Variants in EXOC4 observed in about 807,000 individuals in gnomAD.
The protein encoded by EXOC4 is SEC8-like 1.
In EXOC4, 71 loss-of-function variants were observed where a neutral mutation model predicts 107.2. The ratio of observed to expected loss-of-function variants is 0.66; its 90% CI spans 0.55 to 0.81. EXOC4 has a LOEUF of 0.81. Among genes scored for constraint, EXOC4 ranks in the 30% least tolerant of loss-of-function variants. The pLI is 0.00. For missense variants in EXOC4, 1,108 were observed against 1,189.6 expected, an observed-to-expected ratio of 0.93 and a Z score of 1.01; for synonymous variants, 456 against 441.2, an observed-to-expected ratio of 1.03 and a Z score of -0.42.
intron 12 of EXOC4, among the ~76,000 whole-genome samples, chr7:133,917,062 G>A (rs1204756841): frequency 6.6e-6 from 1 of 152,126 alleles, no homozygotes; most frequent in Non-Finnish European, 1.5e-5. Context: ...CTGGGGCTGA[G>A]GGTTTCTTAA....
At chr7:133,407,253 T>A (rs1318569518) in intron 7 of EXOC4, among the ~76,000 whole-genome samples, 1 of 152,162 alleles carries the variant, frequency 6.6e-6, no homozygotes, top group African/African-American at 2.4e-5. Flanking sequence ...AGAATCCCCC[T>A]ACTCTTAATG....
chr7:133,600,334 T>C (rs1801777783), intron 9 of EXOC4, among the ~76,000 whole-genome samples: 1 of 152,218 alleles, frequency 6.6e-6, no homozygotes, highest in South Asian at 2.1e-4. Context: ...GTTGCTTCAG[T>C]AATATTTGCT....
intron 10 of EXOC4, among the ~76,000 whole-genome samples, chr7:133,637,420 T>C (rs1802739118): frequency 6.6e-6 from 1 of 152,210 alleles, no homozygotes; most frequent in Non-Finnish European, 1.5e-5. Context: ...AGCAGAATAT[T>C]ATTCTCAGTG....
intron 9 of EXOC4, among the ~76,000 whole-genome samples, chr7:133,554,330 C>G (rs1800652268): frequency 6.6e-6 from 1 of 152,048 alleles, no homozygotes; most frequent in Non-Finnish European, 1.5e-5. Flanking sequence ...AACAGAACAG[C>G]CATCTATGTT....
intron 9 of EXOC4, among the ~76,000 whole-genome samples, chr7:133,553,161 C>A (rs2150943530): frequency 6.6e-6 from 1 of 152,154 alleles, no homozygotes; most frequent in South Asian, 2.1e-4. Flanking sequence ...TTATGAGAAT[C>A]AAATAAGATA....
chr7:133,528,465 C>G (rs1210561273), intron 9 of EXOC4, among the ~76,000 whole-genome samples: 1 of 152,082 alleles, frequency 6.6e-6, no homozygotes, highest in Non-Finnish European at 1.5e-5. Flanking sequence ...AGATCTACAG[C>G]TATATATATT....
intron 11 of EXOC4, among the ~76,000 whole-genome samples, chr7:133,877,582 AC>A (rs1401469048): frequency 1.3e-5 from 2 of 152,124 alleles, no homozygotes; most frequent in Non-Finnish European, 2.9e-5. Flanking sequence ...AGGTTCTTCC[AC>A]TGTAGCTAGT....
intron 10 of EXOC4, among the ~76,000 whole-genome samples, chr7:133,647,668 A>G (rs1269321350): frequency 3.3e-5 from 5 of 152,130 alleles, no homozygotes; most frequent in African/African-American, 9.7e-5. Context: ...GGACTCTTCC[A>G]TAGTGGCTCT....
chr7:133,375,126 A>T, intron 7 of EXOC4, 124 bp downstream of exon 7: 1 of 761,422 alleles, frequency 1.3e-6, no homozygotes, highest in Non-Finnish European at 2.0e-6. Flanking sequence ...TGAGAAAGTA[A>T]TGCTTGCATT....
At chr7:133,483,517 C>T (rs1265612212) in intron 9 of EXOC4, among the ~76,000 whole-genome samples, 2 of 152,120 alleles carry the variant, frequency 1.3e-5, no homozygotes. Context: ...TCCCATCCTT[C>T]AAAAAGTTAA....
At chr7:133,585,982 A>G (rs1173689328) in intron 9 of EXOC4, among the ~76,000 whole-genome samples, 1 of 152,166 alleles carries the variant, frequency 6.6e-6, no homozygotes, top group Non-Finnish European at 1.5e-5. Context: ...CGTGTGAACC[A>G]CCACAGCTGG....
At chr7:133,771,229 A>T (rs1453180757) in intron 10 of EXOC4, 2 of 152,032 alleles carry the variant, frequency 1.3e-5, no homozygotes, top group Non-Finnish European at 2.9e-5. Flanking sequence ...AGGAGAATGC[A>T]TTCTTTTTCT....
At chr7:134,034,015 T>A (rs181990890) in intron 17 of EXOC4, among the ~76,000 whole-genome samples, 234 of 152,288 alleles carry the variant, frequency 1.5e-3, no homozygotes, top group Non-Finnish European at 2.8e-3. Context: ...GGGAACTTTT[T>A]GAGAATGCAT....
chr7:133,942,173 G>A (rs1025422858), intron 14 of EXOC4, among the ~76,000 whole-genome samples: 2 of 151,956 alleles, frequency 1.3e-5, no homozygotes, highest in Admixed American at 6.6e-5. Flanking sequence ...CCTTAGGGAG[G>A]CCCTTCTCTC....
chr7:134,072,522 G>A, the EXOC4 span, among the ~76,000 whole-genome samples: 3 of 152,118 alleles, frequency 2.0e-5, no homozygotes, highest in Non-Finnish European at 2.9e-5. Flanking sequence ...GCTGCAGAGG[G>A]GAAAGAAGAG....
chr7:133,665,814 C>T (rs1026122320), intron 10 of EXOC4, among the ~76,000 whole-genome samples: 1 of 152,086 alleles, frequency 6.6e-6, no homozygotes, highest in South Asian at 2.1e-4. Flanking sequence ...TTCTGTTAAT[C>T]CAGCCAGAAC....
At chr7:133,421,333 G>C (rs1445615780) in intron 7 of EXOC4, among the ~76,000 whole-genome samples, 1 of 152,148 alleles carries the variant, frequency 6.6e-6, no homozygotes, top group Admixed American at 6.5e-5. Flanking sequence ...GAGAAGGCAT[G>C]GATGGCTGAT....
At chr7:133,525,983 T>A (rs990557180) in intron 9 of EXOC4, among the ~76,000 whole-genome samples, 1 of 152,180 alleles carries the variant, frequency 6.6e-6, no homozygotes, top group Non-Finnish European at 1.5e-5. Flanking sequence ...CTATTTCTCC[T>A]GAGCCAATAT....
intron 9 of EXOC4, among the ~76,000 whole-genome samples, chr7:133,573,282 T>G (rs1801061844): frequency 6.6e-6 from 1 of 152,228 alleles, no homozygotes; most frequent in Admixed American, 6.5e-5. Context: ...AACTTAGTTC[T>G]GGAGAGGTGA....
Sources: gnomAD v4.1 joint callset for allele counts (sites outside exome capture counted in the v4.1 genomes callset) on GRCh38, gnomAD v4.1.1 for gene constraint, MANE v1.5 for transcripts, NCBI Gene and HGNC (gene_info 2026-07-23, HGNC 2026-07-21) for gene names.